Variants in CCSER1 observed in about 807,000 individuals in gnomAD.
CCSER1 encodes serine-rich coiled-coil domain-containing protein 1.
A neutral mutation model predicts 82.0 loss-of-function variants in CCSER1; 41 were observed. That is an observed-to-expected ratio of 0.50 (90% CI 0.39 to 0.65). The LOEUF is 0.65. Among genes scored for constraint, CCSER1 ranks in the 30% least tolerant of loss-of-function variants. The pLI is 0.00. For missense variants in CCSER1, 1,119 were observed against 1,064.2 expected (o/e 1.05, Z -0.72); for synonymous variants, 414 against 383.9 (o/e 1.08, Z -0.92).
intron 8 of CCSER1, among the ~76,000 whole-genome samples, chr4:90,860,466 G>A (rs890212574): frequency 6.6e-6 from 1 of 151,576 alleles, no homozygotes; most frequent in African/African-American, 2.4e-5. Flanking sequence ...TAAATATAGA[G>A]TTAACATTTT....
intron 9 of CCSER1, among the ~76,000 whole-genome samples, chr4:91,071,561 G>A (rs1313027501): frequency 6.6e-6 from 1 of 152,130 alleles, no homozygotes; most frequent in African/African-American, 2.4e-5. Flanking sequence ...TTGGTGTATA[G>A]AGAGATGGGG....
chr4:90,826,937 C>T (rs912418860), intron 8 of CCSER1, among the ~76,000 whole-genome samples: 23 of 152,116 alleles, frequency 1.5e-4, no homozygotes, highest in African/African-American at 5.3e-4. Flanking sequence ...AGCCGGTCCC[C>T]CAGAAGTGGG....
intron 10 of CCSER1, among the ~76,000 whole-genome samples, chr4:91,259,898 A>G (rs1740979051): frequency 6.6e-6 from 1 of 152,236 alleles, no homozygotes; most frequent in Non-Finnish European, 1.5e-5. Context: ...TGCAATAAAC[A>G]TACATGTGCA....
chr4:91,502,106 G>C (rs1029486651), intron 10 of CCSER1, among the ~76,000 whole-genome samples: 1 of 152,200 alleles, frequency 6.6e-6, no homozygotes, highest in Non-Finnish European at 1.5e-5. Context: ...GTATACAGGA[G>C]TGCTAACTCC....
chr4:91,580,696 C>A (rs989840357), intron 10 of CCSER1, among the ~76,000 whole-genome samples: 1 of 151,548 alleles, frequency 6.6e-6, no homozygotes. Flanking sequence ...ATATTCTAGA[C>A]CCTCATTTAG....
At chr4:90,413,533 C>A (rs1176862162) in intron 4 of CCSER1, among the ~76,000 whole-genome samples, 2 of 152,114 alleles carry the variant, frequency 1.3e-5, no homozygotes, top group African/African-American at 2.4e-5. Flanking sequence ...CATTACCCAA[C>A]TTCAAATTAT....
intron 10 of CCSER1, among the ~76,000 whole-genome samples, chr4:91,165,164 T>C (rs911264799): frequency 6.6e-6 from 1 of 152,208 alleles, no homozygotes; most frequent in African/African-American, 2.4e-5. Context: ...TTTCTGTTTG[T>C]TAGTTTTCCT....
intron 10 of CCSER1, among the ~76,000 whole-genome samples, chr4:91,487,343 G>T (rs972377798): frequency 6.6e-6 from 1 of 152,114 alleles, no homozygotes; most frequent in South Asian, 2.1e-4. Flanking sequence ...GGCATGCTTT[G>T]AACTCAGGGG....
chr4:90,351,873 G>A (rs1177557745), intron 3 of CCSER1, among the ~76,000 whole-genome samples: 1 of 152,154 alleles, frequency 6.6e-6, no homozygotes, highest in Admixed American at 6.5e-5. Context: ...TGAGTGTGTT[G>A]ATGGCAGATC....
intron 10 of CCSER1, among the ~76,000 whole-genome samples, chr4:91,459,733 A>G (rs1180701197): frequency 6.6e-6 from 1 of 152,178 alleles, no homozygotes; most frequent in Non-Finnish European, 1.5e-5. Context: ...TCTTGCTCAA[A>G]TGTCTGTGGC....
rs927554920 is a variant in CCSER1, at chr4:90,656,352, T to A, written c.1932+28120T>A. Among the ~76,000 whole-genome samples, 76 of 151,448 alleles carry A rather than the reference T, an allele frequency of 5.0e-4. 1 individual carries two copies. Among genetic ancestry groups the A allele is most frequent in the Admixed American group, 8.5e-4 (13 of 15,246 alleles). On this transcript the variant is annotated intron_variant, in intron 6 of 10. Coordinates refer to ENST00000509176, the MANE Select transcript of CCSER1 (RefSeq NM_001145065.2). The stretch of plus-strand genomic sequence containing the variant: ...TATCTCTTTTATTCTGTCAATTTTT[T>A]AATATATCTTGAAAATATATTATTG...
At chr4:90,351,550 AT>A (rs1296335386) in intron 3 of CCSER1, among the ~76,000 whole-genome samples, 16 of 152,148 alleles carry the variant, frequency 1.1e-4, no homozygotes, top group Non-Finnish European at 1.3e-4. Context: ...AATAACAAAA[AT>A]TTTTTTAGAA....
intron 4 of CCSER1, among the ~76,000 whole-genome samples, chr4:90,424,134 T>C (rs933049243): frequency 1.3e-5 from 2 of 151,930 alleles, no homozygotes; most frequent in African/African-American, 2.4e-5. Context: ...ATTTTTTACA[T>C]CTATGATATT....
At chr4:91,029,102 A>T (rs985196795) in intron 9 of CCSER1, among the ~76,000 whole-genome samples, 1 of 152,060 alleles carries the variant, frequency 6.6e-6, no homozygotes, top group African/African-American at 2.4e-5. Flanking sequence ...AAAAGAGTAT[A>T]GAGTGATCCT....
intron 5 of CCSER1, among the ~76,000 whole-genome samples, chr4:90,619,373 G>A (rs1051601443): frequency 6.6e-6 from 1 of 151,958 alleles, no homozygotes; most frequent in Middle Eastern, 3.2e-3. Context: ...AAATAAAAGT[G>A]TTCCAACACA....
chr4:91,273,153 T>C (rs1473752298), intron 10 of CCSER1, among the ~76,000 whole-genome samples: 1 of 152,122 alleles, frequency 6.6e-6, no homozygotes, highest in African/African-American at 2.4e-5. Context: ...GGTATTTTTA[T>C]GGGAATTGTG....
At chr4:90,499,900 T>C (rs1265442432) in intron 5 of CCSER1, among the ~76,000 whole-genome samples, 3 of 152,166 alleles carry the variant, frequency 2.0e-5, no homozygotes, top group Non-Finnish European at 4.4e-5. Flanking sequence ...TAAGTTTATT[T>C]CATGGAAAAA....
chr4:90,870,236 A>T (rs1277692869), intron 8 of CCSER1, among the ~76,000 whole-genome samples: 2 of 151,954 alleles, frequency 1.3e-5, no homozygotes, highest in East Asian at 3.9e-4. Flanking sequence ...TATGTTGAAT[A>T]ACAGTGGTGA....
intron 10 of CCSER1, among the ~76,000 whole-genome samples, chr4:91,333,568 T>G (rs1560595192): frequency 6.6e-6 from 1 of 152,066 alleles, no homozygotes; most frequent in Non-Finnish European, 1.5e-5. Flanking sequence ...CACCTCCTAC[T>G]TCTGTGGACC....
Sources: gnomAD v4.1 joint callset for allele counts (sites outside exome capture counted in the v4.1 genomes callset) on GRCh38, gnomAD v4.1.1 for gene constraint, MANE v1.5 for transcripts, NCBI Gene and HGNC (gene_info 2026-07-23, HGNC 2026-07-21) for gene names.